SASH1: variants seen among roughly 807,000 people sequenced by gnomAD.
The protein encoded by SASH1 is SAM and SH3 domain containing 1.
Under a neutral mutation model 125.2 loss-of-function variants are expected in SASH1, and 44 were observed. That is an observed-to-expected ratio of 0.35 (90% CI 0.28 to 0.45). The LOEUF (loss-of-function observed/expected upper bound fraction) is 0.45. Among genes scored for constraint, SASH1 ranks in the 20% least tolerant of loss-of-function variants. SASH1 has a pLI of 1.00. For missense variants in SASH1, 1,426 were observed against 1,614.5 expected, an observed-to-expected ratio of 0.88 and a Z score of 2.00; for synonymous variants, 639 against 649.1, an observed-to-expected ratio of 0.98 and a Z score of 0.24.
rs1782783940 is a variant in SASH1 at position 148,549,746 on chromosome 6, C to A, written c.*1188C>A. On this transcript the variant is annotated 3_prime_UTR_variant, in exon 20 of 20. Coordinates refer to ENST00000367467, the MANE Select transcript of SASH1 (RefSeq NM_015278.5). ...AGGTTCACTATGGAACCAGACAAAT[C>A]TCATTAGCCATGTGTTAAGTATTTG... is the stretch of plus-strand genomic sequence containing the variant. 1 of 394,754 alleles carries A rather than the reference C, an allele frequency of 2.5e-6. No homozygotes were observed. Among genetic ancestry groups the A allele is most frequent in the African/African-American group, 2.1e-5 (1 of 48,456 alleles). The allele number at this position is 394,754 out of a possible 1,614,324, so 24.5% of individuals were successfully genotyped here.
chr6:148,209,548 A>C, the SASH1 span, among the ~76,000 whole-genome samples: 1 of 152,216 alleles, frequency 6.6e-6, no homozygotes, highest in Non-Finnish European at 1.5e-5. Flanking sequence ...GCTGGGCCAC[A>C]CAGGCCAAGT....
At chr6:148,526,357 G>A (rs1020030210) in intron 11 of SASH1, among the ~76,000 whole-genome samples, 10 of 152,006 alleles carry the variant, frequency 6.6e-5, no homozygotes, top group Admixed American at 2.0e-4. Flanking sequence ...CCACGCGCCC[G>A]GCCTTTGGTG....
intron 1 of SASH1, among the ~76,000 whole-genome samples, chr6:148,387,664 CTTTCTTTCTTTCTTTCT>C (rs1562371653): frequency 2.1e-4 from 13 of 62,582 alleles, no homozygotes; most frequent in African/African-American, 8.7e-4. Context: ...TTCTTTCTTT[CTTTCTTTCTTTCTTTCT>C]TTCTTTCTTT....
chr6:148,326,379 CTTTTCT>C (rs1221289505), intron 1 of SASH1, among the ~76,000 whole-genome samples: 11 of 34,508 alleles, frequency 3.2e-4, no homozygotes, highest in Non-Finnish European at 5.7e-4. Context: ...TATATACATT[CTTTTCT>C]TTTCTTTTCT....
chr6:148,415,312 G>A (rs9390567), intron 2 of SASH1, among the ~76,000 whole-genome samples: 24,934 of 152,068 alleles, frequency 0.16, 2,299 homozygotes, highest in African/African-American at 0.24. Context: ...TATTTGTGCC[G>A]CTTCCTTTCC....
chr6:148,417,987 A>C (rs1784897850), intron 2 of SASH1, among the ~76,000 whole-genome samples: 1 of 152,148 alleles, frequency 6.6e-6, no homozygotes, highest in East Asian at 1.9e-4. Flanking sequence ...ACATGTACTC[A>C]ATTTATAGGT....
the SASH1 span, among the ~76,000 whole-genome samples, chr6:148,223,148 A>G: frequency 8.3e-6 from 1 of 121,122 alleles, no homozygotes; most frequent in Admixed American, 9.0e-5. Flanking sequence ...AGCATGGTGG[A>G]TAAGAGCCTA....
rs377455429 is a variant in SASH1, at chr6:148,368,770, G to GCACACACACACACACACACACACA, written c.157-21362_157-21339dup. Reference sequence around the variant, plus strand: ...CCCCCACATGCGCGCGCACGCGCGCGCACACACACACACACACACACACAC... The same window carrying GCACACACACACACACACACACACA: ...CCCCCACATGCGCGCGCACGCGCGCGCACACACACACACACACACACACACACACACACACACACACACACACAC... On this transcript the variant is annotated intron_variant, in intron 1 of 19. Transcript: ENST00000367467. 4.5e-3 allele frequency among the ~76,000 whole-genome samples: 613 copies of GCACACACACACACACACACACACA among 135,700 alleles called. 4 individuals carry two copies. Among genetic ancestry groups the GCACACACACACACACACACACACA allele is most frequent in the Admixed American group, 9.3e-3 (124 of 13,284 alleles). The allele number at this position is 135,700 out of a possible 152,430, so 89.0% of individuals were successfully genotyped here. A position where few individuals can be genotyped will look rare whatever the true frequency, so the allele number is the denominator to read the frequency against.
At chr6:148,346,142 A>T (rs938598301) in intron 1 of SASH1, among the ~76,000 whole-genome samples, 1 of 152,212 alleles carries the variant, frequency 6.6e-6, no homozygotes, top group African/African-American at 2.4e-5. Context: ...CTCACAGCTT[A>T]GTAAGTGAAA....
At chr6:148,426,740 G>GA (rs1293955299) in intron 2 of SASH1, among the ~76,000 whole-genome samples, 3 of 152,120 alleles carry the variant, frequency 2.0e-5, no homozygotes, top group East Asian at 3.9e-4. Flanking sequence ...AGAGGAGATG[G>GA]AAAAAAACAG....
chr6:148,329,584 A>G (rs1222110724), intron 1 of SASH1, among the ~76,000 whole-genome samples: 1 of 152,190 alleles, frequency 6.6e-6, no homozygotes, highest in Non-Finnish European at 1.5e-5. Flanking sequence ...CTTCAATTGT[A>G]TAAGACAGCT....
intron 1 of SASH1, among the ~76,000 whole-genome samples, chr6:148,306,096 C>A (rs1233533320): frequency 1.3e-5 from 2 of 151,928 alleles, no homozygotes; most frequent in Non-Finnish European, 2.9e-5. Context: ...AAAACAGAAC[C>A]CTGGAAGAAG....
At chr6:148,530,563 C>T (rs1781453761) in intron 12 of SASH1, among the ~76,000 whole-genome samples, 1 of 152,194 alleles carries the variant, frequency 6.6e-6, no homozygotes, top group Non-Finnish European at 1.5e-5. Context: ...CAGATGTTTG[C>T]AGGACCTGCG....
At chr6:148,302,830 A>G (rs1263921260) in intron 1 of SASH1, among the ~76,000 whole-genome samples, 2 of 147,978 alleles carry the variant, frequency 1.4e-5, no homozygotes, top group African/African-American at 5.0e-5. Context: ...GTATATATAT[A>G]TATATATATA....
chr6:148,249,834 C>G, the SASH1 span, among the ~76,000 whole-genome samples: 1 of 152,108 alleles, frequency 6.6e-6, no homozygotes, highest in East Asian at 1.9e-4. Flanking sequence ...TAGCCTAGGG[C>G]CTGTGCACCG....
At chr6:148,511,200 T>C (rs1780105033) in intron 8 of SASH1, among the ~76,000 whole-genome samples, 1 of 150,144 alleles carries the variant, frequency 6.7e-6, no homozygotes, top group African/African-American at 2.4e-5. Flanking sequence ...TTTTTTCCTC[T>C]GGACTCAGTA....
At chr6:148,271,615 G>A (rs1339427469), upstream of SASH1, among the ~76,000 whole-genome samples, 1 of 151,948 alleles carries the variant, frequency 6.6e-6, no homozygotes, top group Non-Finnish European at 1.5e-5. Flanking sequence ...TTCTTTTCAG[G>A]GTTATTAAAT....
chr6:148,532,678 G>T lies in SASH1; in HGVS notation c.1565-119G>T, dbSNP rs531276719. On this transcript the variant is annotated intron_variant, in intron 13 of 19. Transcript: ENST00000367467. This position sits in a 1 kb window ranked among gnomAD's most constrained non-coding sequence, Gnocchi z 4.7. Reference sequence around the variant, plus strand: ...GCCCTGGTCCTGACAGAGGGTTGTGGCTCAAGGCTTCCTTTCTCTGGGCCT... The same window carrying T: ...GCCCTGGTCCTGACAGAGGGTTGTGTCTCAAGGCTTCCTTTCTCTGGGCCT... The T allele has an allele frequency of 5.0e-6, 6 of 1,208,772 alleles. No homozygotes were observed. In the African/African-American group the frequency reaches 7.4e-5, roughly 15 times the overall value. The allele number at this position is 1,208,772 out of a possible 1,614,324, so 74.9% of individuals were successfully genotyped here.
At chr6:148,531,102 A>G (rs912058020) in intron 12 of SASH1, among the ~76,000 whole-genome samples, 4 of 152,176 alleles carry the variant, frequency 2.6e-5, no homozygotes, top group Non-Finnish European at 5.9e-5. Flanking sequence ...TTAAAAGTGC[A>G]TGTTTCCTAT....
Sources: allele counts gnomAD v4.1 joint callset (sites outside exome capture counted in the v4.1 genomes callset), GRCh38; gene constraint gnomAD v4.1.1; non-coding constraint Gnocchi (gnomAD v3.1); transcripts MANE v1.5; gene names NCBI Gene and HGNC (gene_info 2026-07-23, HGNC 2026-07-21).